CCAR1: variants seen among roughly 807,000 people sequenced by gnomAD.
CCAR1 encodes the protein cell division cycle and apoptosis regulator protein 1.
A neutral mutation model predicts 163.8 loss-of-function variants in CCAR1; 78 were observed. That is an observed-to-expected ratio of 0.48 (90% CI 0.40 to 0.57). The LOEUF is 0.57. CCAR1 is among the 20% of genes least tolerant of loss of function. CCAR1 has a pLI of 0.00. For missense variants in CCAR1, 1,019 were observed against 1,365.2 expected, an observed-to-expected ratio of 0.75 and a Z score of 4.00; for synonymous variants, 443 against 460.7, an observed-to-expected ratio of 0.96 and a Z score of 0.49.
intron 21 of CCAR1, among the ~76,000 whole-genome samples, chr10:68,787,459 A>G (rs2056808285): frequency 6.6e-6 from 1 of 152,134 alleles, no homozygotes; most frequent in African/African-American, 2.4e-5. Context: ...ATAAATTTTT[A>G]TCAATGTTAT....
At position 68,756,463 on chromosome 10, in the gene CCAR1, A is replaced by C; in HGVS notation, c.1816A>C (p.Lys606Gln). The change falls in exon 14 of 25, where the codon AAG (lysine) becomes CAG (glutamine). Residue 606 changes from lysine to glutamine, a missense_variant. Transcript: ENST00000265872. This position sits in a 1 kb window ranked among gnomAD's most constrained non-coding sequence, Gnocchi z 5.1. ...GGTCGAGAAGCTTCAGGGTGAACGC[A>C]AGGAGGCTGATGGAGAACAGGCACT... ...QLVEKLQGER[K>Q]EADGEQDEEE... 1 of 1,611,562 alleles carries C rather than the reference A, an allele frequency of 6.2e-7. No individual in the cohort carries two copies. Among genetic ancestry groups the C allele is most frequent in the Non-Finnish European group, 8.5e-7 (1 of 1,178,720 alleles).
chr10:68,787,803 C>A lies in CCAR1; in HGVS notation c.2881-124C>A, dbSNP rs552355225. Reference sequence around the variant, plus strand: ...TGAGTCGAGATCACACCACTGCACTCCAGTTTGGGCGACAAGAGCAAGACT... The same window carrying A: ...TGAGTCGAGATCACACCACTGCACTACAGTTTGGGCGACAAGAGCAAGACT... On this transcript the variant is annotated intron_variant, in intron 21 of 24. Coordinates refer to ENST00000265872, the MANE Select transcript of CCAR1 (RefSeq NM_018237.4). 119 of 869,038 alleles carry A rather than the reference C, an allele frequency of 1.4e-4. 1 individual carries two copies. The highest frequency in any genetic ancestry group is 2.0e-4 in the Non-Finnish European group (114 of 575,230). The allele number at this position is 869,038 out of a possible 1,614,324, so 53.8% of individuals were successfully genotyped here. A position where few individuals can be genotyped will look rare whatever the true frequency, so the allele number is the denominator to read the frequency against.
chr10:68,748,930 G>A (rs1363382605), intron 8 of CCAR1, among the ~76,000 whole-genome samples: 1 of 151,742 alleles, frequency 6.6e-6, no homozygotes, highest in Non-Finnish European at 1.5e-5. Flanking sequence ...TGCCTATTTC[G>A]GCCTCCCAAA....
chr10:68,762,821 T>G (rs1026942174), intron 16 of CCAR1, among the ~76,000 whole-genome samples: 1 of 152,054 alleles, frequency 6.6e-6, no homozygotes, highest in Non-Finnish European at 1.5e-5. Flanking sequence ...CAAAAAATGG[T>G]CCATATAATG....
In CCAR1 at chr10:68,765,974, A is replaced by G; in HGVS notation, c.2193A>G (p.Val731=). ...YILPDEPAII[V]HPNWAAKSGK... ...TGCCTGATGAACCGGCCATCATTGT[A>G]CATCCAAATTGGGCTGCAAAAAGTG... The change falls in exon 17 of 25, where the codon GTA becomes GTG. Residue 731 remains valine (V), a synonymous_variant. Transcript: ENST00000265872. 1 of 1,614,026 alleles carries G rather than the reference A, an allele frequency of 6.2e-7. No individual in the cohort carries two copies.
chr10:68,758,594 C>A (rs2056426161), intron 15 of CCAR1, among the ~76,000 whole-genome samples: 3 of 144,246 alleles, frequency 2.1e-5, no homozygotes, highest in Admixed American at 7.1e-5. Context: ...TATATGTACA[C>A]ACACATATAT....
At chr10:68,787,797 T>C in intron 21 of CCAR1, 130 bp from the exon 22 acceptor site, 1 of 778,546 alleles carries the variant, frequency 1.3e-6, no homozygotes, top group Non-Finnish European at 2.0e-6. Context: ...ATCACACCAC[T>C]GCACTCCAGT....
chr10:68,748,219 G>A (rs1036820798), intron 8 of CCAR1, among the ~76,000 whole-genome samples: 6 of 152,152 alleles, frequency 3.9e-5, no homozygotes, highest in African/African-American at 9.6e-5. Flanking sequence ...GGCTCACACC[G>A]TAATCCCAGC....
intron 4 of CCAR1, among the ~76,000 whole-genome samples, chr10:68,740,268 G>A (rs929569499): frequency 1.3e-5 from 2 of 152,178 alleles, no homozygotes; most frequent in African/African-American, 4.8e-5. Context: ...AATAAAAGTA[G>A]TTAAGTGCCT....
chr10:68,731,591 G>GTTTT (rs67032408), intron 2 of CCAR1, among the ~76,000 whole-genome samples: 75 of 75,520 alleles, frequency 9.9e-4, no homozygotes, highest in African/African-American at 1.1e-3. Context: ...TCTTGTTTCT[G>GTTTT]TTTTTTTTTT....
At chr10:68,748,991 TA>T in intron 8 of CCAR1, 144 bp from the exon 9 acceptor site, 2 of 922,246 alleles carry the variant, frequency 2.2e-6, no homozygotes, top group South Asian at 1.7e-5. Flanking sequence ...ACCTATTCTT[TA>T]AAAATATATA....
chr10:68,761,768 A>T (rs1335836698), intron 16 of CCAR1, among the ~76,000 whole-genome samples: 2 of 151,096 alleles, frequency 1.3e-5, no homozygotes, highest in Admixed American at 1.3e-4. Context: ...ACGCCTGGCT[A>T]ATTTTGTGTT....
chr10:68,733,827 C>T (rs2056072708), intron 2 of CCAR1, among the ~76,000 whole-genome samples: 1 of 152,024 alleles, frequency 6.6e-6, no homozygotes, highest in Admixed American at 6.6e-5. Context: ...CCACACCTGG[C>T]TAATTTTTAT....
intron 15 of CCAR1, among the ~76,000 whole-genome samples, chr10:68,758,020 T>A (rs911585341): frequency 1.3e-5 from 2 of 151,846 alleles, no homozygotes; most frequent in Admixed American, 6.6e-5. Context: ...GGATTACAGG[T>A]GTGAGCCACC....
intron 8 of CCAR1, 103 bp from the exon 9 acceptor site, chr10:68,749,033 T>C (rs1388854427): frequency 7.3e-7 from 1 of 1,371,652 alleles, no homozygotes; most frequent in East Asian, 2.3e-5. Flanking sequence ...AAAACAATTT[T>C]AGTCACTCTC....
At chr10:68,745,480 G>A (rs1050682896) in intron 6 of CCAR1, among the ~76,000 whole-genome samples, 3 of 123,906 alleles carry the variant, frequency 2.4e-5, no homozygotes, top group Non-Finnish European at 4.9e-5. Flanking sequence ...TTTTTTTTTT[G>A]GAGACCGAGT....
At chr10:68,755,265 A>G (rs2056384182) in intron 12 of CCAR1, 105 bp from the exon 13 acceptor site, 1 of 969,422 alleles carries the variant, frequency 1.0e-6, no homozygotes, top group Non-Finnish European at 1.7e-6. Flanking sequence ...TACCAGAGGT[A>G]GTAAAAATGA....
At chr10:68,783,462 C>T (rs2056760637) in intron 19 of CCAR1, among the ~76,000 whole-genome samples, 1 of 151,600 alleles carries the variant, frequency 6.6e-6, no homozygotes, top group African/African-American at 2.4e-5. Flanking sequence ...CGTGAGCCAC[C>T]GTTCCTGGCC....
intron 2 of CCAR1, among the ~76,000 whole-genome samples, chr10:68,728,028 G>A (rs1273705468): frequency 6.6e-6 from 1 of 152,096 alleles, no homozygotes; most frequent in Non-Finnish European, 1.5e-5. Context: ...GTAGAGACAC[G>A]GTTTCACCAT....
Sources: gnomAD v4.1 joint callset for allele counts (sites outside exome capture counted in the v4.1 genomes callset) on GRCh38, gnomAD v4.1.1 for gene constraint, Gnocchi (gnomAD v3.1) non-coding constraint, MANE v1.5 for transcripts, NCBI Gene and HGNC (gene_info 2026-07-23, HGNC 2026-07-21) for gene names.